AXIN2: variants seen among roughly 807,000 people sequenced by gnomAD.
AXIN2 encodes the protein axin 2.
AXIN2 carries 21 observed loss-of-function variants against 74.7 expected under a neutral mutation model. That is an observed-to-expected ratio of 0.28 (90% confidence interval 0.20 to 0.40). AXIN2 has a LOEUF of 0.40. AXIN2 is among the 10% of genes least tolerant of loss of function. AXIN2 has a pLI of 1.00. For synonymous variants in AXIN2, 532 were observed against 454.9 expected (o/e 1.17, Z -2.16); for missense variants, 1,144 against 1,111.1 (o/e 1.03, Z -0.42).
At chr17:65,544,160 C>G (rs879127540) in intron 3 of AXIN2, among the ~76,000 whole-genome samples, 1 of 152,024 alleles carries the variant, frequency 6.6e-6, no homozygotes, top group African/African-American at 2.4e-5. Context: ...CCGTCCACCC[C>G]CTCCAAGACT....
chr17:65,557,666 G>A, intron 2 of AXIN2, 140 bp downstream of exon 2: 1 of 838,334 alleles, frequency 1.2e-6, no homozygotes, highest in Non-Finnish European at 1.9e-6. Context: ...CAAAAAGCAA[G>A]ATCAAAAAGG....
At position 65,529,852 on chromosome 17, in the gene AXIN2, C is replaced by T; in HGVS notation, c.*124G>A. The T allele has an allele frequency of 1.9e-6, 3 of 1,561,838 alleles. No homozygotes were observed. The East Asian group carries it at 6.9e-5, about 36-fold the overall frequency. On this transcript the variant is annotated 3_prime_UTR_variant, in exon 11 of 11. Transcript: ENST00000307078. ...CCGAAGGCCCACTGGCCGATTCTTCCTTAGACTTTGTCTTCTTCATTGGTT... is the reference window on the plus strand; with the variant it reads ...CCGAAGGCCCACTGGCCGATTCTTCTTTAGACTTTGTCTTCTTCATTGGTT...
chr17:65,556,868 G>A (rs2044274558), intron 2 of AXIN2, among the ~76,000 whole-genome samples: 1 of 152,124 alleles, frequency 6.6e-6, no homozygotes, highest in South Asian at 2.1e-4. Context: ...CCCATCCCCT[G>A]CCTGTCATAA....
At chr17:65,560,495 A>C (rs2044350447) in intron 1 of AXIN2, 2 of 151,702 alleles carry the variant, frequency 1.3e-5, no homozygotes, top group Admixed American at 1.3e-4. Flanking sequence ...TCCCGCGCGC[A>C]CTCACACGCC....
Position 65,555,427 on chromosome 17 carries a change from A to G in AXIN2, c.815+2379T>C, listed in dbSNP as rs560030128. Among the ~76,000 whole-genome samples, 33 of 152,266 alleles carry G rather than the reference A, an allele frequency of 2.2e-4. 1 individual carries two copies. The South Asian group carries it at 6.6e-3, about 31-fold the overall frequency. On this transcript the variant is annotated intron_variant, in intron 2 of 10. Transcript: ENST00000307078. Reference sequence around the variant, plus strand: ...AGACTTCAGTTCAATAAGAAAGTTGAGGCATGGGGGTCAGGGGGCCACTCT... The same window carrying G: ...AGACTTCAGTTCAATAAGAAAGTTGGGGCATGGGGGTCAGGGGGCCACTCT...
chr17:65,544,271 A>G (rs944919736), intron 3 of AXIN2, among the ~76,000 whole-genome samples: 59 of 144,578 alleles, frequency 4.1e-4, no homozygotes, highest in Middle Eastern at 3.5e-3. Context: ...AATAAGGTTA[A>G]AAAAAAAAAA....
chr17:65,559,034 G>A (rs568919621), intron 1 of AXIN2, among the ~76,000 whole-genome samples: 42 of 152,210 alleles, frequency 2.8e-4, no homozygotes, highest in Admixed American at 1.4e-3. Flanking sequence ...GGACACTGGA[G>A]GTGTAAGACA....
intron 1 of AXIN2, chr17:65,561,108 A>C (rs1191509787): frequency 6.7e-6 from 1 of 149,152 alleles, no homozygotes; most frequent in Non-Finnish European, 1.5e-5. Context: ...CCCGGCTTTC[A>C]ACGCAGGTCC....
intron 7 of AXIN2, 25 bp downstream of exon 7, chr17:65,536,844 C>T (rs2043929957): frequency 1.9e-6 from 3 of 1,612,408 alleles, no homozygotes; most frequent in African/African-American, 1.3e-5. Context: ...CCCTCGCGGC[C>T]GCGGCGGCGG....
At chr17:65,550,570 T>G (rs2044177717) in intron 2 of AXIN2, among the ~76,000 whole-genome samples, 1 of 152,146 alleles carries the variant, frequency 6.6e-6, no homozygotes, top group Non-Finnish European at 1.5e-5. Flanking sequence ...CGTTAAGGCC[T>G]GAAGTCGCAG....
In AXIN2 at chr17:65,529,781, CAGTA is replaced by C; in HGVS notation, c.*191_*194del. On this transcript the variant is annotated 3_prime_UTR_variant, in exon 11 of 11. Coordinates refer to ENST00000307078, the MANE Select transcript of AXIN2 (RefSeq NM_004655.4). ...TAGTTCAGGCTTTTCTTATCTCAGT[CAGTA>C]CCCAGCTCATGAATCATGAAAATCA... The C allele has an allele frequency of 3.8e-6, 3 of 783,974 alleles. No homozygotes were observed. The highest frequency in any genetic ancestry group is 4.1e-6 in the Non-Finnish European group (2 of 488,254). 48.6% of individuals were successfully genotyped at this position (783,974 alleles called of 1,614,324 possible).
chr17:65,556,889 C>T (rs890184971), intron 2 of AXIN2, among the ~76,000 whole-genome samples: 1 of 152,112 alleles, frequency 6.6e-6, no homozygotes, highest in Admixed American at 6.6e-5. Context: ...AACCACACCC[C>T]GGAATTAAGA....
intron 9 of AXIN2, 50 bp from the exon 10 acceptor site, chr17:65,534,129 C>G (rs1422951694): frequency 6.2e-7 from 1 of 1,604,826 alleles, no homozygotes; most frequent in African/African-American, 1.3e-5. Flanking sequence ...AGCAGACACA[C>G]ATCTAAAGCA....
In AXIN2 at chr17:65,537,672, G is replaced by A; in HGVS notation, c.1364C>T (p.Pro455Leu). The A allele has an allele frequency of 6.4e-7, 1 of 1,557,538 alleles. No individual in the cohort carries two copies. Among genetic ancestry groups the A allele is most frequent in the East Asian group, 2.4e-5 (1 of 42,170 alleles). ...RVLKTPGCQS[P>L]GVGRYSPRSR... ...GCGGGGGCTATAGCGGCCTACGCCT[G>A]GAGACTGGCAGCCAGGGGTCTTGAG... The change falls in exon 6 of 11, where the codon CCA becomes CTA. Residue 455 changes from proline to leucine, a missense_variant. Physicochemically the swap from Pro to Leu is moderately conservative, Grantham distance 98 (BLOSUM62 -3). Around this residue, in one of 4 missense-constraint regions of AXIN2, gnomAD observed 1,053 missense variants for 973.5 expected, o/e 1.08. Coordinates refer to ENST00000307078, the MANE Select transcript of AXIN2 (RefSeq NM_004655.4).
Position 65,558,588 on chromosome 17 carries a change from C to T in AXIN2, c.33G>A (p.Pro11=), listed in dbSNP as rs768626471. 3 of 1,610,222 alleles carry T rather than the reference C, an allele frequency of 1.9e-6. No homozygotes were observed. Among genetic ancestry groups the T allele is most frequent in the African/African-American group, 1.3e-5 (1 of 74,900 alleles). The stretch of plus-strand genomic sequence containing the variant: ...CCTCACGGAAGCTGCTGCTGGGGTC[C>T]GGGAGGCAAGTCACCAACATAGCGC... MSSAMLVTCL[P]DPSSSFREDA... Residue 11 remains proline (P), a synonymous_variant, in exon 2 of 11, where the codon CCG becomes CCA. Coordinates refer to ENST00000307078, the MANE Select transcript of AXIN2 (RefSeq NM_004655.4).
At chr17:65,533,825 CTG>C in intron 10 of AXIN2, 85 bp downstream of exon 10, 1 of 528,370 alleles carries the variant, frequency 1.9e-6, no homozygotes, top group Non-Finnish European at 3.6e-6. Flanking sequence ...CCACCTAGGT[CTG>C]CTCAGCCAGG....
rs1064793048 is a variant in AXIN2, at chr17:65,537,826, TCTC to T, written c.1207_1209del (p.Glu403del). The T allele has an allele frequency of 2.6e-6, 4 of 1,562,114 alleles. No individual in the cohort carries two copies. Among genetic ancestry groups the T allele is most frequent in the Non-Finnish European group, 3.5e-6 (4 of 1,154,020 alleles). ...TTGAGTGTGAGCTCGGAGCCCTCTC[TCTC>T]TTCATCCTGAAAGGGAAGACGTCAG... On this transcript the variant is annotated inframe_deletion, in exon 6 of 11. Transcript: ENST00000307078.
chr17:65,540,472 T>C (rs1297988424), intron 4 of AXIN2, among the ~76,000 whole-genome samples: 1 of 152,216 alleles, frequency 6.6e-6, no homozygotes, highest in Admixed American at 6.5e-5. Context: ...AAATAAGTGC[T>C]TCAGTTTCTT....
Position 65,558,466 on chromosome 17 carries a change from G to T in AXIN2, c.155C>A (p.Ser52Tyr). The change falls in exon 2 of 11, where the codon TCT becomes TAT. Residue 52 changes from serine (S) to tyrosine (Y), a missense_variant. Transcript: ENST00000307078. ...KGQVTKPMPV[S>Y]SNTRRNEDGL... ...ATCTTCGTTCCGCCTGGTGTTGGAA[G>T]AGACAGGCATGGGTTTGGTGACCTG... The T allele has an allele frequency of 3.1e-6, 5 of 1,604,376 alleles. No individual in the cohort carries two copies. The highest frequency in any genetic ancestry group is 4.3e-6 in the Non-Finnish European group (5 of 1,173,644).
Sources: allele counts gnomAD v4.1 joint callset (sites outside exome capture counted in the v4.1 genomes callset), GRCh38; gene constraint gnomAD v4.1.1; regional missense constraint gnomAD v4.1.1; transcripts MANE v1.5; gene names NCBI Gene and HGNC (gene_info 2026-07-23, HGNC 2026-07-21).